Variants in PRDM2 observed in about 807,000 individuals in gnomAD.
PRDM2 encodes PR domain zinc finger protein 2.
Under a neutral mutation model 130.0 loss-of-function variants are expected in PRDM2, and 30 were observed. The ratio of observed to expected loss-of-function variants is 0.23; its 90% CI spans 0.17 to 0.31. The LOEUF (loss-of-function observed/expected upper bound fraction) is 0.31. Ranked by LOEUF, PRDM2 falls within the 10% of genes least tolerant of loss-of-function variation. The probability of loss-of-function intolerance (pLI) is 1.00; values close to 1 mark genes in which losing one functional copy is unlikely to be tolerated. For synonymous variants in PRDM2, 871 were observed against 782.4 expected (o/e 1.11, Z -1.89); for missense variants, 2,011 against 2,108.4 (o/e 0.95, Z 0.90).
intron 6 of PRDM2, among the ~76,000 whole-genome samples, chr1:13,767,545 A>G (rs1040977758): frequency 2.0e-5 from 3 of 151,788 alleles, no homozygotes; most frequent in Admixed American, 6.6e-5. Flanking sequence ...AGCTTAAGCA[A>G]TCTGCCTACC....
rs1284416809 is a variant in PRDM2 at position 13,780,698 on chromosome 1, C to T, written c.2903C>T (p.Thr968Ile). The T allele has an allele frequency of 1.2e-6, 2 of 1,607,098 alleles. No individual in the cohort carries two copies. The highest frequency in any genetic ancestry group is 1.7e-6 in the Non-Finnish European group (2 of 1,176,060). Reference protein sequence around the residue: ...SGQLPPLLIPTDPSSPPPCPP... With the variant: ...SGQLPPLLIPIDPSSPPPCPP... ...CAGCTGCCTCCTCTCTTGATCCCCA[C>T]AGATCCCTCTTCCCCTCCACCCTGT... Residue 968 changes from threonine to isoleucine, a missense_variant, in exon 8 of 10, where the codon ACA becomes ATA. By Grantham distance (89) the Thr-to-Ile change is moderately conservative. Around this residue, in one of 5 missense-constraint regions of PRDM2, gnomAD observed 1,288 missense variants for 1,237.7 expected, o/e 1.04. Coordinates refer to ENST00000311066, the MANE Select transcript of PRDM2 (RefSeq NM_001393986.1).
chr1:13,806,938 G>A lies in PRDM2; in HGVS notation c.5037-9489G>A, dbSNP rs1314227687. Among the ~76,000 whole-genome samples, 4 of 152,044 alleles carry A rather than the reference G, an allele frequency of 2.6e-5. No homozygotes were observed. Among genetic ancestry groups the A allele is most frequent in the Non-Finnish European group, 5.9e-5 (4 of 68,018 alleles). On this transcript the variant is annotated intron_variant, in intron 8 of 9. Coordinates refer to ENST00000311066, the MANE Select transcript of PRDM2 (RefSeq NM_001393986.1). The surrounding 1 kb of genome is among the most constrained non-coding windows in gnomAD (Gnocchi z 4.1). Reference sequence around the variant, plus strand: ...ACGCACAAGGCGTAGTATCCGGACCGATTGATCCCCCCACCCCAGGTCGTA... The same window carrying A: ...ACGCACAAGGCGTAGTATCCGGACCAATTGATCCCCCCACCCCAGGTCGTA...
At chr1:13,749,545 C>G in intron 6 of PRDM2, 58 bp downstream of exon 6, 16 of 1,104,056 alleles carry the variant, frequency 1.4e-5, no homozygotes, top group Non-Finnish European at 1.8e-5. Flanking sequence ...CAGGACGCCG[C>G]CCTGCCGCCC....
intron 2 of PRDM2, chr1:13,722,840 C>T (rs761460659): frequency 5.0e-5 from 26 of 516,720 alleles, no homozygotes; most frequent in Non-Finnish European, 8.9e-5. Context: ...GTTTAAAAAG[C>T]GTTTTGAATC....
intron 1 of PRDM2, among the ~76,000 whole-genome samples, chr1:13,705,854 C>T (rs1239491586): frequency 6.6e-6 from 1 of 151,888 alleles, no homozygotes; most frequent in Non-Finnish European, 1.5e-5. Flanking sequence ...TGATGGTGGG[C>T]ACCTGTAATC....
chr1:13,751,651 T>C (rs1452685056), intron 6 of PRDM2, among the ~76,000 whole-genome samples: 1 of 152,014 alleles, frequency 6.6e-6, no homozygotes. Context: ...TCAGAGGCAG[T>C]GTTAACTTAG....
In PRDM2 at chr1:13,780,296, C is replaced by A. The variant is rs867363727; in HGVS notation, c.2501C>A (p.Ala834Asp). The A allele has an allele frequency of 1.9e-6, 3 of 1,614,112 alleles. No individual in the cohort carries two copies. The highest frequency in any genetic ancestry group is 4.5e-5 in the East Asian group (2 of 44,866). The change falls in exon 8 of 10, where the codon GCT becomes GAT. Residue 834 changes from alanine to aspartate, a missense_variant. Around this residue, in one of 5 missense-constraint regions of PRDM2, gnomAD observed 1,288 missense variants for 1,237.7 expected, o/e 1.04. Coordinates refer to ENST00000311066, the MANE Select transcript of PRDM2 (RefSeq NM_001393986.1). ...TTATCCAGCGGTGTCAAACAGAAGG[C>A]TGAGGGTACAGGCAAGACTCCAGTC... ...LDLSSGVKQK[A>D]EGTGKTPVQW...
chr1:13,781,197 T>G lies in PRDM2; in HGVS notation c.3402T>G (p.Phe1134Leu). ...TTCAGGAAACATTCAACAAAAACTT[T>G]GTTTGCAACGTCTGTGAATCACCTT... ...VVVQETFNKN[F>L]VCNVCESPFL... is the part of the protein sequence containing the mutation. Residue 1134 changes from phenylalanine (F) to leucine (L), a missense_variant, in exon 8 of 10, where the codon TTT (phenylalanine) becomes TTG (leucine). Physicochemically the swap from Phe to Leu is conservative, Grantham distance 22. Transcript: ENST00000311066. The surrounding 1 kb of genome is among the most constrained non-coding windows in gnomAD (Gnocchi z 6.1). 1 of 1,614,238 alleles carries G rather than the reference T, an allele frequency of 6.2e-7. No individual in the cohort carries two copies. The highest frequency in any genetic ancestry group is 8.5e-7 in the Non-Finnish European group (1 of 1,180,048).
chr1:13,816,111 C>T (rs1382609199), intron 8 of PRDM2, among the ~76,000 whole-genome samples: 15 of 152,156 alleles, frequency 9.9e-5, no homozygotes, highest in Non-Finnish European at 1.5e-5. Context: ...ACCTGCATGT[C>T]CACTGGGGGT....
chr1:13,800,090 T>C (rs185932633), intron 8 of PRDM2, among the ~76,000 whole-genome samples: 119 of 152,354 alleles, frequency 7.8e-4, no homozygotes, highest in Admixed American at 2.3e-3. Context: ...CATTCATTCA[T>C]AAATGCGGGG....
chr1:13,731,211 A>G (rs1003336770), intron 3 of PRDM2, 94 bp downstream of exon 3: 3 of 939,170 alleles, frequency 3.2e-6, no homozygotes, highest in African/African-American at 3.3e-5. Flanking sequence ...GGAGCGCACC[A>G]TAAAAGCAGC....
At chr1:13,713,358 A>C (rs1642431156) in intron 1 of PRDM2, among the ~76,000 whole-genome samples, 1 of 152,208 alleles carries the variant, frequency 6.6e-6, no homozygotes, top group Non-Finnish European at 1.5e-5. Flanking sequence ...GTTAAGATGC[A>C]TTAGCAGAAA....
Position 13,779,723 on chromosome 1 carries a change from G to A in PRDM2, c.1928G>A (p.Ser643Asn), listed in dbSNP as rs1210660222. Residue 643 changes from serine to asparagine, a missense_variant, in exon 8 of 10, where the codon AGC becomes AAC. Around this residue, in one of 5 missense-constraint regions of PRDM2, gnomAD observed 1,288 missense variants for 1,237.7 expected, o/e 1.04. Transcript: ENST00000311066. The surrounding 1 kb of genome is among the most constrained non-coding windows in gnomAD (Gnocchi z 4.9). ...GAGGCCAAGAAGCGGAGAACTGCGA[G>A]CCCACCTGCACTGCCCAAAATTAAG... ...NSEAKKRRTA[S>N]PPALPKIKAE... 6.2e-7 allele frequency: 1 copy of A among 1,613,902 alleles called. No homozygotes were observed. Among genetic ancestry groups the A allele is most frequent in the African/African-American group, 1.3e-5 (1 of 74,894 alleles).
rs893693633 is a variant in PRDM2 at position 13,783,344 on chromosome 1, G to A, written c.5036+513G>A. 34 of 361,152 alleles carry A rather than the reference G, an allele frequency of 9.4e-5. No individual in the cohort carries two copies. In the East Asian group the frequency reaches 9.7e-4, roughly 10 times the overall value. The allele number at this position is 361,152 out of a possible 1,614,324, so 22.4% of individuals were successfully genotyped here. ...TTAAATTTTAATAATTGATTGCATC[G>A]GTCAAAACAAAACATAGTCCTTTAA... On this transcript the variant is annotated intron_variant, in intron 8 of 9. Transcript: ENST00000311066.
In PRDM2 at chr1:13,728,665, A is replaced by G. The variant is rs546751592; in HGVS notation, c.10-2335A>G. On this transcript the variant is annotated intron_variant, in intron 2 of 9. Coordinates refer to ENST00000311066, the MANE Select transcript of PRDM2 (RefSeq NM_001393986.1). ...TGTATGAGTCCAAAAGGAAAAACCA[A>G]TGGGTCTAGTGGGACAAGATGTGGA... 1.5e-3 allele frequency among the ~76,000 whole-genome samples: 236 copies of G among 152,310 alleles called. 2 individuals are homozygous for G. Among genetic ancestry groups the G allele is most frequent in the South Asian group, 5.4e-3 (26 of 4,820 alleles).
chr1:13,822,457 G>A (rs1474494600), intron 9 of PRDM2, among the ~76,000 whole-genome samples: 6 of 150,698 alleles, frequency 4.0e-5, no homozygotes, highest in African/African-American at 1.5e-4. Flanking sequence ...GTGCAGTGGC[G>A]CGATCTGGGA....
At chr1:13,769,477 C>A (rs979516156) in intron 6 of PRDM2, among the ~76,000 whole-genome samples, 2 of 152,142 alleles carry the variant, frequency 1.3e-5, no homozygotes, top group South Asian at 2.1e-4. Context: ...CTAATTACTT[C>A]CCCTCTGGCG....
At chr1:13,747,339 A>C (rs1248188411) in intron 5 of PRDM2, among the ~76,000 whole-genome samples, 2 of 152,246 alleles carry the variant, frequency 1.3e-5, no homozygotes, top group Non-Finnish European at 2.9e-5. Context: ...AAAAATAGAG[A>C]AAGTATACAT....
At position 13,724,497 on chromosome 1, in the gene PRDM2, C is replaced by CTTTT. The variant is rs749027235; in HGVS notation, c.10-6488_10-6485dup. ...AAGTTATAGAAATTCCTTTTCATGG[C>CTTTT]TTTTTTTTTTTTTTTTTTGAGACAG... On this transcript the variant is annotated intron_variant, in intron 2 of 9. Transcript: ENST00000311066. Among the ~76,000 whole-genome samples the CTTTT allele has an allele frequency of 1.6e-3, 207 of 129,764 alleles. 5 individuals are homozygous for CTTTT. In the East Asian group the frequency reaches 0.037, roughly 23 times the overall value. The allele number at this position is 129,764 out of a possible 152,430, so 85.1% of individuals were successfully genotyped here.
Sources: allele counts gnomAD v4.1 joint callset (sites outside exome capture counted in the v4.1 genomes callset), GRCh38; gene constraint gnomAD v4.1.1; regional missense constraint gnomAD v4.1.1; non-coding constraint Gnocchi (gnomAD v3.1); transcripts MANE v1.5; gene names NCBI Gene and HGNC (gene_info 2026-07-23, HGNC 2026-07-21).